Variants in SHISAL1 observed in about 807,000 individuals in gnomAD.
SHISAL1 encodes the protein shisa like 1, also known as protein shisa-like-1.
In SHISAL1, 9 loss-of-function variants were observed where a neutral mutation model predicts 22.6. That is an observed-to-expected ratio of 0.40 (90% confidence interval 0.24 to 0.70). The LOEUF (loss-of-function observed/expected upper bound fraction) is 0.70, where lower values mean the gene tolerates loss of function less well. SHISAL1 is among the 30% of genes least tolerant of loss of function. SHISAL1 has a pLI of 0.39. For synonymous variants in SHISAL1, 119 were observed against 115.4 expected (o/e 1.03, Z -0.20); for missense variants, 246 against 270.6 (o/e 0.91, Z 0.64).
upstream of SHISAL1, among the ~76,000 whole-genome samples, chr22:44,315,014 A>G (rs62230311): frequency 0.57 from 87,383 of 152,040 alleles, 26,103 homozygotes; most frequent in African/African-American, 0.74. Context: ...TGGCTATAGC[A>G]AGGCATACAG....
intron 4 of SHISAL1, among the ~76,000 whole-genome samples, chr22:44,265,124 G>A (rs1569210822): frequency 2.0e-5 from 3 of 152,282 alleles, no homozygotes; most frequent in Middle Eastern, 3.4e-3. Flanking sequence ...CCTGTGGTAC[G>A]CAGCCCTAAG....
At chr22:44,264,319 G>A (rs757262810) in intron 4 of SHISAL1, among the ~76,000 whole-genome samples, 5 of 152,194 alleles carry the variant, frequency 3.3e-5, no homozygotes, top group Non-Finnish European at 5.9e-5. Flanking sequence ...AGAGAGACCC[G>A]AGGCCTGCTG....
At chr22:44,316,925 G>A (rs945150036), upstream of SHISAL1, among the ~76,000 whole-genome samples, 31 of 152,202 alleles carry the variant, frequency 2.0e-4, no homozygotes, top group South Asian at 8.3e-4. Flanking sequence ...GCACCAACGC[G>A]GCTAATTGGC....
At chr22:44,263,236 A>C in intron 4 of SHISAL1, among the ~76,000 whole-genome samples, 1 of 151,742 alleles carries the variant, frequency 6.6e-6, no homozygotes. Flanking sequence ...ACGCCCAGTT[A>C]GTTCTTGTAT....
chr22:44,263,393 G>A (rs554607384), intron 4 of SHISAL1, among the ~76,000 whole-genome samples: 1 of 152,110 alleles, frequency 6.6e-6, no homozygotes, highest in Non-Finnish European at 1.5e-5. Context: ...TTTTCTAAGG[G>A]ATTCTCACAG....
chr22:44,252,514 T>C (rs1234938015), intron 4 of SHISAL1, among the ~76,000 whole-genome samples: 2 of 150,476 alleles, frequency 1.3e-5, no homozygotes, highest in African/African-American at 4.9e-5. Flanking sequence ...ATGGTAAAAA[T>C]TGACAACCCC....
chr22:44,323,062 C>T, the SHISAL1 span, among the ~76,000 whole-genome samples: 67 of 145,718 alleles, frequency 4.6e-4, no homozygotes, highest in South Asian at 0.014. Context: ...TCCATCCACC[C>T]ACCTCACCCA....
chr22:44,321,607 C>T, the SHISAL1 span, among the ~76,000 whole-genome samples: 13 of 152,316 alleles, frequency 8.5e-5, no homozygotes, highest in East Asian at 1.5e-3. Context: ...CCTGTGAGGA[C>T]GGGCCCTGGG....
intron 4 of SHISAL1, among the ~76,000 whole-genome samples, chr22:44,282,655 TAGG>T (rs1455653532): frequency 6.6e-6 from 1 of 152,240 alleles, no homozygotes; most frequent in East Asian, 1.9e-4. Flanking sequence ...GCTGGGCTCA[TAGG>T]AGACTTCTGG....
At chr22:44,264,929 G>A (rs117348191) in intron 4 of SHISAL1, among the ~76,000 whole-genome samples, 3,435 of 151,934 alleles carry the variant, frequency 0.023, 267 homozygotes, top group East Asian at 0.16. Context: ...CACAAGCCAC[G>A]TGACCTTGGA....
chr22:44,317,372 G>A (rs186404067), upstream of SHISAL1, among the ~76,000 whole-genome samples: 38 of 152,344 alleles, frequency 2.5e-4, no homozygotes, highest in South Asian at 2.1e-3. Flanking sequence ...ACTCCCTGGC[G>A]GCAATGGCTG....
Position 44,262,401 on chromosome 22 carries a change from T to G in SHISAL1, c.*-12716A>C, listed in dbSNP as rs2055131307. On this transcript the variant is annotated intron_variant, in intron 4 of 4. Coordinates refer to ENST00000381176, the MANE Select transcript of SHISAL1 (RefSeq NM_001099294.2). Reference sequence around the variant, plus strand: ...AGTTGTGGGGAGCCGACATGGAAGATCATGCCTAATTCTCATAGCAGCAAG... The same window carrying G: ...AGTTGTGGGGAGCCGACATGGAAGAGCATGCCTAATTCTCATAGCAGCAAG... Among the ~76,000 whole-genome samples the G allele has an allele frequency of 2.6e-5, 4 of 152,156 alleles. No individual in the cohort carries two copies. In the South Asian group the frequency reaches 8.3e-4, roughly 32 times the overall value.
chr22:44,300,154 G>A (rs2055417790), intron 2 of SHISAL1, among the ~76,000 whole-genome samples: 1 of 151,622 alleles, frequency 6.6e-6, no homozygotes, highest in South Asian at 2.1e-4. Flanking sequence ...AACAGAGAGA[G>A]ACAGAGACAG....
At chr22:44,320,310 C>A in the SHISAL1 span, among the ~76,000 whole-genome samples, 1 of 152,138 alleles carries the variant, frequency 6.6e-6, no homozygotes, top group South Asian at 2.1e-4. Context: ...TTCCTGGAAC[C>A]AACAGGGATG....
At chr22:44,288,202 A>G (rs2147292859) in intron 3 of SHISAL1, among the ~76,000 whole-genome samples, 1 of 152,298 alleles carries the variant, frequency 6.6e-6, no homozygotes, top group South Asian at 2.1e-4. Flanking sequence ...GGCTCGGTGG[A>G]ATTAAGAGAC....
chr22:44,260,582 C>T (rs536769868), intron 4 of SHISAL1, among the ~76,000 whole-genome samples: 9 of 152,342 alleles, frequency 5.9e-5, no homozygotes, highest in Admixed American at 1.3e-4. Context: ...TTGGTTTCCC[C>T]GGGAATGGTA....
rs149430968 is a variant in SHISAL1 at position 44,278,264 on chromosome 22, C to T, written c.599+7164G>A. 3.9e-3 allele frequency among the ~76,000 whole-genome samples: 599 copies of T among 152,370 alleles called. 1 individual carries two copies. Among genetic ancestry groups the T allele is most frequent in the Non-Finnish European group, 5.4e-3 (365 of 68,042 alleles). On this transcript the variant is annotated intron_variant, in intron 4 of 4. Coordinates refer to ENST00000381176, the MANE Select transcript of SHISAL1 (RefSeq NM_001099294.2). ...CTTCCTGCCCTTGAACATCAGACTC[C>T]AACCAAGTTCTTCAGCTTTAGGACT...
chr22:44,280,167 G>A (rs1358705490), intron 4 of SHISAL1, among the ~76,000 whole-genome samples: 2 of 152,206 alleles, frequency 1.3e-5, no homozygotes, highest in Admixed American at 6.5e-5. Context: ...AGCACATTGG[G>A]AAGAGAACTG....
the SHISAL1 span, among the ~76,000 whole-genome samples, chr22:44,324,028 A>G: frequency 6.6e-6 from 1 of 152,190 alleles, no homozygotes; most frequent in African/African-American, 2.4e-5. Context: ...CCAAGGCCAC[A>G]CAGCCAGGAG....
Sources: gnomAD v4.1 joint callset for allele counts (sites outside exome capture counted in the v4.1 genomes callset) on GRCh38, gnomAD v4.1.1 for gene constraint, MANE v1.5 for transcripts, NCBI Gene and HGNC (gene_info 2026-07-23, HGNC 2026-07-21) for gene names.